The following LYST variants were observed in gnomAD, a reference collection of about 807,000 sequenced individuals.
LYST encodes the protein lysosomal trafficking regulator.
LYST carries 192 observed loss-of-function variants against 413.6 expected under a neutral mutation model. That is an observed-to-expected ratio of 0.46 (90% confidence interval 0.41 to 0.52). The LOEUF is 0.52. Among genes scored for constraint, LYST ranks in the 20% least tolerant of loss-of-function variants. LYST has a pLI of 0.00. For missense variants in LYST, 3,815 were observed against 4,499.9 expected (o/e 0.85, Z 4.35); for synonymous variants, 1,525 against 1,567.3 (o/e 0.97, Z 0.64).
chr1:235,773,031 T>C (rs1431733258), intron 19 of LYST, among the ~76,000 whole-genome samples: 1 of 152,188 alleles, frequency 6.6e-6, no homozygotes, highest in Non-Finnish European at 1.5e-5. Flanking sequence ...TAAAAGAATA[T>C]GCTGGCTGGG....
At chr1:235,695,629 A>ATTTTTTTTTTTTTTTTTTTTTTTTTT (rs148101450) in intron 46 of LYST, among the ~76,000 whole-genome samples, 1 of 116,418 alleles carries the variant, frequency 8.6e-6, no homozygotes, top group African/African-American at 3.4e-5. Flanking sequence ...CAGTACTCTA[A>ATTTTTTTTTTTTTTTTTTTTTTTTTT]TTTTTTTTTT....
chr1:235,695,411 C>T (rs1219796318), intron 46 of LYST, among the ~76,000 whole-genome samples: 2 of 152,196 alleles, frequency 1.3e-5, no homozygotes, highest in African/African-American at 2.4e-5. Context: ...CTGCTCTGGA[C>T]ATACCCAGGT....
chr1:235,716,672 A>T (rs763187048), intron 41 of LYST, 40 bp downstream of exon 41: 1 of 1,337,998 alleles, frequency 7.5e-7, no homozygotes, highest in Non-Finnish European at 1.1e-6. Context: ...ACAAAACACA[A>T]TTTTTCATTT....
chr1:235,751,636 T>C (rs546058020), intron 27 of LYST, among the ~76,000 whole-genome samples: 1 of 152,294 alleles, frequency 6.6e-6, no homozygotes, highest in East Asian at 1.9e-4. Context: ...TTTTTTTCTA[T>C]ATAAGGCAAA....
rs138436026 is a variant in LYST at position 235,664,791 on chromosome 1, G to T, written c.11039-170C>A. 3.3e-5 allele frequency among the ~76,000 whole-genome samples: 5 copies of T among 152,258 alleles called. No individual in the cohort carries two copies. In the East Asian group the frequency reaches 9.6e-4, roughly 29 times the overall value. ...ATGAAATTACTACACAAGTTGCACAGATTTTTCTTTTTCATTTTCTTTTGA... is the reference window on the plus strand; with the variant it reads ...ATGAAATTACTACACAAGTTGCACATATTTTTCTTTTTCATTTTCTTTTGA... On this transcript the variant is annotated intron_variant, in intron 50 of 52. Transcript: ENST00000389793. This position sits in a 1 kb window ranked among gnomAD's most constrained non-coding sequence, Gnocchi z 4.5.
In LYST at chr1:235,873,648, T is replaced by C. The variant is rs551274994; in HGVS notation, n.454+9539A>G. Among the ~76,000 whole-genome samples, 4 of 152,348 alleles carry C rather than the reference T, an allele frequency of 2.6e-5. No homozygotes were observed. In the South Asian group the frequency reaches 8.3e-4, roughly 32 times the overall value. On this transcript the variant is annotated intron_variant and non_coding_transcript_variant, in intron 1 of 11. Transcript: ENST00000465349. ...TGGGTCTATTATTGAGCATAATTCT[T>C]AGCCAGGTGATTTACTTGGCATTAC...
At chr1:235,755,364 G>A in intron 25 of LYST, 114 bp downstream of exon 25, 3 of 1,009,452 alleles carry the variant, frequency 3.0e-6, no homozygotes, top group South Asian at 1.3e-5. Context: ...ACTCCAGCCT[G>A]GGCAACAGGG....
intron 3 of LYST, among the ~76,000 whole-genome samples, chr1:235,825,058 A>C (rs945105610): frequency 2.6e-4 from 39 of 152,066 alleles, no homozygotes; most frequent in African/African-American, 6.5e-4. Flanking sequence ...ACAACAACAA[A>C]AACGATCAAG....
chr1:235,782,322 C>T (rs760301959), intron 14 of LYST, among the ~76,000 whole-genome samples: 4 of 151,992 alleles, frequency 2.6e-5, no homozygotes, highest in Non-Finnish European at 4.4e-5. Flanking sequence ...GTGCCCGCCA[C>T]CAGGCCTGGT....
intron 38 of LYST, among the ~76,000 whole-genome samples, chr1:235,724,918 A>G (rs974960584): frequency 1.3e-5 from 2 of 152,222 alleles, no homozygotes; most frequent in Non-Finnish European, 2.9e-5. Context: ...GCAGGGAGTG[A>G]TACTCTGGTT....
chr1:235,758,877 A>C, intron 23 of LYST, 95 bp downstream of exon 23: 1 of 1,035,716 alleles, frequency 9.7e-7, no homozygotes, highest in Non-Finnish European at 1.5e-6. Context: ...TTGTTGTATT[A>C]TAAGTGGCAT....
At chr1:235,730,245 A>G (rs1664245438) in intron 36 of LYST, among the ~76,000 whole-genome samples, 1 of 152,042 alleles carries the variant, frequency 6.6e-6, no homozygotes. Flanking sequence ...CAATGATAAT[A>G]CTATCAATAG....
chr1:235,770,575 C>G (rs1472434198), intron 19 of LYST, among the ~76,000 whole-genome samples: 14 of 152,106 alleles, frequency 9.2e-5, no homozygotes, highest in Admixed American at 3.9e-4. Context: ...GATGAATTAT[C>G]AAGAGGGATT....
intron 1 of LYST, among the ~76,000 whole-genome samples, chr1:235,849,700 A>C (rs933542247): frequency 1.3e-5 from 2 of 151,148 alleles, no homozygotes; most frequent in Admixed American, 1.3e-4. Flanking sequence ...TACACGAATC[A>C]GTAGCTCTTC....
At chr1:235,779,815 T>C (rs1669667094) in intron 16 of LYST, among the ~76,000 whole-genome samples, 1 of 152,050 alleles carries the variant, frequency 6.6e-6, no homozygotes, top group African/African-American at 2.4e-5. Context: ...AACAACAAAA[T>C]ACATTCCAAA....
intron 10 of LYST, among the ~76,000 whole-genome samples, chr1:235,795,486 A>C (rs1156788407): frequency 1.3e-5 from 2 of 152,210 alleles, no homozygotes; most frequent in Non-Finnish European, 2.9e-5. Context: ...CTTTTTTCTC[A>C]GTGCAAAGAC....
rs1399098957 is a variant in LYST, at chr1:235,762,828, C to T, written c.6145G>A (p.Val2049Met). 6.2e-7 allele frequency: 1 copy of T among 1,613,530 alleles called. No individual in the cohort carries two copies. The highest frequency in any genetic ancestry group is 1.1e-5 in the South Asian group (1 of 91,072). Residue 2049 changes from valine (V) to methionine (M), a missense_variant, in exon 22 of 53, where the codon GTG (valine) becomes ATG (methionine). This residue lies in a region of LYST where 530 missense variants were observed against 696.5 expected (regional missense o/e 0.76). Coordinates refer to ENST00000389793, the MANE Select transcript of LYST (RefSeq NM_000081.4). ...HIDGKIFQEKVRSIMYLRHSS... is the reference protein window; with the variant it reads ...HIDGKIFQEKMRSIMYLRHSS... ...TGCCTCAGGTACATGATTGACCGCA[C>T]TTTCTCCTGAAAGATCTTGCCATCT...
At chr1:235,827,444 C>T (rs757994690) in intron 3 of LYST, 6 of 984,318 alleles carry the variant, frequency 6.1e-6, no homozygotes, top group African/African-American at 1.7e-5. Context: ...CCCCAGAGTA[C>T]TCAAGAAGTG....
intron 19 of LYST, among the ~76,000 whole-genome samples, chr1:235,771,268 C>G (rs573070857): frequency 1.3e-5 from 2 of 151,850 alleles, no homozygotes; most frequent in African/African-American, 4.8e-5. Flanking sequence ...CAAATACCAA[C>G]AAAAAAAGAA....
Sources: allele counts gnomAD v4.1 joint callset (sites outside exome capture counted in the v4.1 genomes callset), GRCh38; gene constraint gnomAD v4.1.1; regional missense constraint gnomAD v4.1.1; non-coding constraint Gnocchi (gnomAD v3.1); transcripts MANE v1.5; gene names NCBI Gene and HGNC (gene_info 2026-07-23, HGNC 2026-07-21).